The following CCDC18 variants were observed in gnomAD, a reference collection of about 807,000 sequenced individuals.
CCDC18 encodes coiled-coil domain-containing protein 18.
Under a neutral mutation model 196.0 loss-of-function variants are expected in CCDC18, and 157 were observed. The ratio of observed to expected loss-of-function variants is 0.80; its 90% CI spans 0.70 to 0.91. CCDC18 has a LOEUF of 0.91. Ranked by LOEUF, CCDC18 falls within the 40% of genes least tolerant of loss-of-function variation. The pLI is 0.00. For missense variants in CCDC18, 1,465 were observed against 1,611.6 expected (o/e 0.91, Z 1.56); for synonymous variants, 482 against 529.2 (o/e 0.91, Z 1.22).
At chr1:93,193,794 A>C in intron 6 of CCDC18, 50 bp downstream of exon 6, 1 of 1,321,712 alleles carries the variant, frequency 7.6e-7, no homozygotes, top group Non-Finnish European at 1.0e-6. Context: ...ATAAAAGGAA[A>C]TATTACCTAT....
intron 27 of CCDC18, 69 bp downstream of exon 27, chr1:93,264,970 TTAG>T (rs1263428737): frequency 1.4e-5 from 16 of 1,126,492 alleles, no homozygotes; most frequent in African/African-American, 3.1e-5. Context: ...TTTACCTGTC[TTAG>T]TAGTTTATAG....
At chr1:93,214,457 A>C (rs1209504373) in intron 11 of CCDC18, among the ~76,000 whole-genome samples, 1 of 152,196 alleles carries the variant, frequency 6.6e-6, no homozygotes, top group Non-Finnish European at 1.5e-5. Context: ...TAAAAAATGG[A>C]ATTTAAAAGG....
At chr1:93,218,061 T>G (rs879692347) in intron 14 of CCDC18, among the ~76,000 whole-genome samples, 192 bp downstream of exon 14, 1 of 152,204 alleles carries the variant, frequency 6.6e-6, no homozygotes, top group Non-Finnish European at 1.5e-5. Flanking sequence ...CTGTTTCAGC[T>G]GTAATCATTA....
chr1:93,239,427 G>A lies in CCDC18; in HGVS notation c.2721G>A (p.Met907Ile). Residue 907 changes from methionine to isoleucine, a missense_variant, in exon 20 of 29, where the codon ATG (methionine) becomes ATA (isoleucine). By Grantham distance (10) the Met-to-Ile change is conservative. Coordinates refer to ENST00000690025, the MANE Select transcript of CCDC18 (RefSeq NM_001378204.1). ...CAATGCACCTCTCTCAATTAGATAT[G>A]ATCTTAGATCAGACAAAGACAGAGC... ...NKAMHLSQLD[M>I]ILDQTKTELE... is the part of the protein sequence containing the mutation. 1.2e-6 allele frequency: 2 copies of A among 1,612,948 alleles called. No homozygotes were observed. Among genetic ancestry groups the A allele is most frequent in the South Asian group, 1.1e-5 (1 of 90,974 alleles).
intron 19 of CCDC18, among the ~76,000 whole-genome samples, chr1:93,237,656 TA>T (rs1473262461): frequency 6.6e-6 from 1 of 152,172 alleles, no homozygotes; most frequent in Non-Finnish European, 1.5e-5. Flanking sequence ...GTATATACTA[TA>T]CTTGGTGAAC....
Position 93,264,905 on chromosome 1 carries a change from A to C in CCDC18, c.3885+4A>C, listed in dbSNP as rs768164199. The C allele has an allele frequency of 1.7e-5, 27 of 1,567,404 alleles. No individual in the cohort carries two copies. The highest frequency in any genetic ancestry group is 2.3e-5 in the Non-Finnish European group (26 of 1,137,960). On this transcript the variant is annotated splice_donor_region_variant and intron_variant, in intron 27 of 28. Coordinates refer to ENST00000690025, the MANE Select transcript of CCDC18 (RefSeq NM_001378204.1). ...AAATGAAGCATTACTTACTAAAGTAAGTAAACATATAAAAGTAATAAAGCA... is the reference window on the plus strand; with the variant it reads ...AAATGAAGCATTACTTACTAAAGTACGTAAACATATAAAAGTAATAAAGCA...
At chr1:93,264,429 A>T (rs1664222208) in intron 26 of CCDC18, among the ~76,000 whole-genome samples, 1 of 152,184 alleles carries the variant, frequency 6.6e-6, no homozygotes, top group African/African-American at 2.4e-5. Flanking sequence ...ATTGTCTCAA[A>T]AATGTCTTTA....
intron 6 of CCDC18, among the ~76,000 whole-genome samples, chr1:93,195,632 G>C (rs1490802365): frequency 1.3e-5 from 2 of 152,118 alleles, no homozygotes; most frequent in African/African-American, 2.4e-5. Context: ...GCCATTATAA[G>C]AGGGCTTGAC....
chr1:93,266,875 G>A (rs1020337414), intron 27 of CCDC18, among the ~76,000 whole-genome samples: 2 of 152,172 alleles, frequency 1.3e-5, no homozygotes, highest in African/African-American at 4.8e-5. Context: ...ACAAAGAGGA[G>A]CTGGTACCAT....
chr1:93,191,194 C>G, intron 4 of CCDC18: 1 of 415,524 alleles, frequency 2.4e-6, no homozygotes, highest in Non-Finnish European at 4.5e-6. Context: ...GTGGGGCTAA[C>G]CGTTTTATAT....
chr1:93,221,780 G>A (rs746619320), intron 15 of CCDC18, 37 bp downstream of exon 15: 1 of 1,594,574 alleles, frequency 6.3e-7, no homozygotes, highest in South Asian at 1.2e-5. Flanking sequence ...TTTAGAAGTT[G>A]ACTAATATTT....
intron 3 of CCDC18, among the ~76,000 whole-genome samples, 161 bp downstream of exon 3, chr1:93,184,307 A>T (rs183374673): frequency 0.016 from 2,500 of 151,956 alleles, 46 homozygotes; most frequent in Middle Eastern, 0.024. Context: ...GTACTCAAGA[A>T]TTTAAATATA....
At position 93,226,776 on chromosome 1, in the gene CCDC18, C is replaced by T. The variant is rs559469361; in HGVS notation, c.2292+327C>T. 9.2e-5 allele frequency among the ~76,000 whole-genome samples: 14 copies of T among 152,208 alleles called. No individual in the cohort carries two copies. In the South Asian group the frequency reaches 2.7e-3, roughly 29 times the overall value. On this transcript the variant is annotated intron_variant, in intron 17 of 28. Transcript: ENST00000690025. The stretch of plus-strand genomic sequence containing the variant: ...CTTGAACTCCTGGCCTCAAGTGATC[C>T]ACCCACCTCGGCCTCCCAAAGTGCT...
In CCDC18 at chr1:93,180,738, G is replaced by A. The variant is rs569019376; in HGVS notation, c.-117G>A. 1 of 1,366,570 alleles carries A rather than the reference G, an allele frequency of 7.3e-7. No individual in the cohort carries two copies. Among genetic ancestry groups the A allele is most frequent in the Admixed American group, 1.9e-5 (1 of 52,558 alleles). 84.7% of individuals were successfully genotyped at this position (1,366,570 alleles called of 1,614,324 possible). A position where few individuals can be genotyped will look rare whatever the true frequency, so the allele number is the denominator to read the frequency against. ...GCTCCCGCGGCGGTTCGAATTCTGTGCTGCCGGGGTTCGCTGGTTCTCCGA... is the reference window on the plus strand; with the variant it reads ...GCTCCCGCGGCGGTTCGAATTCTGTACTGCCGGGGTTCGCTGGTTCTCCGA... On this transcript the variant is annotated 5_prime_UTR_variant, in exon 1 of 29. Coordinates refer to ENST00000690025, the MANE Select transcript of CCDC18 (RefSeq NM_001378204.1).
chr1:93,272,608 T>A (rs888951155), intron 28 of CCDC18, among the ~76,000 whole-genome samples: 1 of 152,238 alleles, frequency 6.6e-6, no homozygotes, highest in Non-Finnish European at 1.5e-5. Context: ...TATTTGGTAA[T>A]GTCGAGGCTT....
chr1:93,193,608 T>C lies in CCDC18; in HGVS notation c.570-8T>C. Reference sequence around the variant, plus strand: ...GTAGTCTTAAACAAAGTATCCTTTATTTTATAGAGAGGCAGAAAATAAGCT... The same window carrying C: ...GTAGTCTTAAACAAAGTATCCTTTACTTTATAGAGAGGCAGAAAATAAGCT... On this transcript the variant is annotated splice_region_variant and splice_polypyrimidine_tract_variant and intron_variant, in intron 5 of 28. Transcript: ENST00000690025. 6.4e-7 allele frequency: 1 copy of C among 1,567,068 alleles called. No individual in the cohort carries two copies. The highest frequency in any genetic ancestry group is 8.6e-7 in the Non-Finnish European group (1 of 1,158,866).
At chr1:93,254,859 A>C (rs1391658585) in intron 24 of CCDC18, among the ~76,000 whole-genome samples, 1 of 150,700 alleles carries the variant, frequency 6.6e-6, no homozygotes, top group Non-Finnish European at 1.5e-5. Context: ...GGTATCTTTC[A>C]TATAGTAAAT....
In CCDC18 at chr1:93,206,790, CT is replaced by C. The variant is rs1234064004; in HGVS notation, c.918-315del. The stretch of plus-strand genomic sequence containing the variant: ...GGGATTTTGAAGTTAGATTTCCTGT[CT>C]TATATAATTAAACAGGGAGCAGAAA... On this transcript the variant is annotated intron_variant, in intron 8 of 28. Coordinates refer to ENST00000690025, the MANE Select transcript of CCDC18 (RefSeq NM_001378204.1). Among the ~76,000 whole-genome samples the C allele has an allele frequency of 2.0e-5, 3 of 152,066 alleles. No individual in the cohort carries two copies. The East Asian group carries it at 5.8e-4, about 29-fold the overall frequency.
chr1:93,209,485 G>A (rs1207964510), intron 9 of CCDC18, among the ~76,000 whole-genome samples: 1 of 152,168 alleles, frequency 6.6e-6, no homozygotes, highest in Non-Finnish European at 1.5e-5. Flanking sequence ...ATGTTAAACT[G>A]TTATGAACTG....
Sources: allele counts gnomAD v4.1 joint callset (sites outside exome capture counted in the v4.1 genomes callset), GRCh38; gene constraint gnomAD v4.1.1; transcripts MANE v1.5; gene names NCBI Gene and HGNC (gene_info 2026-07-23, HGNC 2026-07-21).